OR2I1: variants seen among roughly 807,000 people sequenced by gnomAD.
OR2I1 encodes the protein putative olfactory receptor 2I1.
At chr6:29,554,730 T>C in the OR2I1 span, 1 of 152,008 alleles carries the variant, frequency 6.6e-6, no homozygotes, top group Admixed American at 6.6e-5. Context: ...CAGGAGTTGG[T>C]TCTTGAGCAA....
At chr6:29,550,665 G>A in the OR2I1 span, 76,065 of 151,902 alleles carry the variant, frequency 0.5, 19,508 homozygotes, top group African/African-American at 0.61. Flanking sequence ...CCCACCCCTC[G>A]TCTTCTTCCT....
At chr6:29,551,382 C>T in the OR2I1 span, among the ~76,000 whole-genome samples, 2 of 152,070 alleles carry the variant, frequency 1.3e-5, no homozygotes, top group African/African-American at 2.4e-5. Context: ...GGAAGGACCT[C>T]GAAGTTAGTC....
At chr6:29,556,195 T>C in the OR2I1 span, 10 of 1,612,940 alleles carry the variant, frequency 6.2e-6, no homozygotes, top group Non-Finnish European at 8.5e-6. Context: ...ATGAGAGGCT[T>C]CTCCGTGGCT....
the OR2I1 span, chr6:29,553,625 C>T: frequency 5.0e-5 from 20 of 398,282 alleles, no homozygotes; most frequent in Non-Finnish European, 8.9e-5. Context: ...GGGCTCGTCT[C>T]CCCGCGCCTA....
At chr6:29,554,396 A>C in the OR2I1 span, 1 of 368,672 alleles carries the variant, frequency 2.7e-6, no homozygotes, top group East Asian at 3.9e-5. Flanking sequence ...CCTACCCCTC[A>C]CAACTCCACG....
At chr6:29,553,866 C>T in the OR2I1 span, 2 of 398,642 alleles carry the variant, frequency 5.0e-6, no homozygotes, top group African/African-American at 2.1e-5. Context: ...TCATCCTGGC[C>T]TCCTACGGTG....
At chr6:29,555,900 A>T in the OR2I1 span, 23 of 1,613,020 alleles carry the variant, frequency 1.4e-5, no homozygotes, top group South Asian at 2.5e-4. Context: ...ATACAATAAC[A>T]TGCCAGGAAG....
chr6:29,556,203 G>C, the OR2I1 span: 1 of 1,613,078 alleles, frequency 6.2e-7, no homozygotes, highest in Non-Finnish European at 8.5e-7. Context: ...CTTCTCCGTG[G>C]CTTTAAGATC....
the OR2I1 span, chr6:29,557,077 CTG>C: frequency 6.6e-6 from 1 of 152,184 alleles, no homozygotes; most frequent in East Asian, 1.9e-4. Flanking sequence ...GATTATAAGA[CTG>C]AGAGAATGGA....
the OR2I1 span, among the ~76,000 whole-genome samples, chr6:29,552,396 T>C: frequency 6.6e-6 from 1 of 152,366 alleles, no homozygotes; most frequent in Middle Eastern, 3.4e-3. Context: ...TCTTTTTTTC[T>C]ACCCAACTTA....
the OR2I1 span, chr6:29,556,346 T>G: frequency 1.9e-5 from 31 of 1,609,304 alleles, no homozygotes; most frequent in Middle Eastern, 1.6e-4. Context: ...GGAACGGACA[T>G]GCACCTGGGA....
the OR2I1 span, chr6:29,555,818 T>C: frequency 7.5e-7 from 1 of 1,334,464 alleles, no homozygotes; most frequent in East Asian, 2.3e-5. Flanking sequence ...ATGTGTTCGT[T>C]GAGTAAGAGA....
At chr6:29,556,350 C>T in the OR2I1 span, 3 of 1,607,478 alleles carry the variant, frequency 1.9e-6, no homozygotes, top group Non-Finnish European at 2.6e-6. Flanking sequence ...CGGACATGCA[C>T]CTGGGAAGTG....
chr6:29,552,793 G>T, the OR2I1 span: 1 of 154,498 alleles, frequency 6.5e-6, no homozygotes, highest in Non-Finnish European at 1.4e-5. Context: ...TAAGTTCTGT[G>T]TTTCTTTAAC....
the OR2I1 span, chr6:29,555,963 GTC>G: frequency 6.2e-7 from 1 of 1,613,050 alleles, no homozygotes; most frequent in Non-Finnish European, 8.5e-7. Context: ...CCATCTTCCA[GTC>G]TCTTTCCATT....
At chr6:29,553,238 C>T in the OR2I1 span, 3 of 398,898 alleles carry the variant, frequency 7.5e-6, no homozygotes, top group African/African-American at 6.2e-5. Context: ...AACTACAGCG[C>T]AGAGGAGCGC....
the OR2I1 span, among the ~76,000 whole-genome samples, chr6:29,552,020 T>G: frequency 6.6e-6 from 1 of 152,238 alleles, no homozygotes; most frequent in African/African-American, 2.4e-5. Context: ...AAGTTATCCA[T>G]ATAATAATTT....
At chr6:29,553,640 G>T in the OR2I1 span, 3 of 398,274 alleles carry the variant, frequency 7.5e-6, no homozygotes, top group Non-Finnish European at 1.3e-5. Flanking sequence ...CGCCTATGTC[G>T]CACGCTGGCC....
the OR2I1 span, chr6:29,555,567 T>C: frequency 3.0e-6 from 1 of 336,484 alleles, no homozygotes; most frequent in Non-Finnish European, 5.3e-6. Flanking sequence ...AGATAGGAGT[T>C]TTTGCATAAA....
Sources: allele counts gnomAD v4.1 joint callset (sites outside exome capture counted in the v4.1 genomes callset), GRCh38; gene constraint gnomAD v4.1.1; transcripts MANE v1.5; gene names NCBI Gene and HGNC (gene_info 2026-07-23, HGNC 2026-07-21).